Variants in CMIP observed in about 807,000 individuals in gnomAD.
The protein encoded by CMIP is C-Maf-inducing protein.
Under a neutral mutation model 97.3 loss-of-function variants are expected in CMIP, and 13 were observed. The ratio of observed to expected loss-of-function variants is 0.13; its 90% CI spans 0.09 to 0.21. The LOEUF (loss-of-function observed/expected upper bound fraction) is 0.21. Among genes scored for constraint, CMIP ranks in the 10% least tolerant of loss-of-function variants. The pLI, the probability that CMIP is intolerant of heterozygous loss-of-function variation, is 1.00. For missense variants in CMIP, 847 were observed against 1,024.9 expected (o/e 0.83, Z 2.37); for synonymous variants, 538 against 436.3 (o/e 1.23, Z -2.91).
intron 10 of CMIP, among the ~76,000 whole-genome samples, chr16:81,691,197 C>T (rs60107344): frequency 0.24 from 35,958 of 152,038 alleles, 4,390 homozygotes; most frequent in Non-Finnish European, 0.26. Flanking sequence ...GAAGGCACAA[C>T]CCTGAAATCA....
intron 13 of CMIP, among the ~76,000 whole-genome samples, chr16:81,695,225 C>T (rs1308453084): frequency 6.6e-6 from 1 of 152,246 alleles, no homozygotes; most frequent in Non-Finnish European, 1.5e-5. Context: ...TCTGCTGATT[C>T]TCTCTCCCTT....
intron 18 of CMIP, 68 bp from the exon 19 acceptor site, chr16:81,705,431 T>TGCCCC: frequency 8.7e-7 from 1 of 1,154,442 alleles, no homozygotes; most frequent in East Asian, 2.6e-5. Flanking sequence ...CCTCCACCTC[T>TGCCCC]GCCCCAGCCT....
chr16:81,574,454 G>T (rs2091154114), intron 1 of CMIP, among the ~76,000 whole-genome samples: 1 of 152,270 alleles, frequency 6.6e-6, no homozygotes, highest in Non-Finnish European at 1.5e-5. Flanking sequence ...CGAGTTCTCA[G>T]CTGGGTACAG....
chr16:81,592,540 G>C (rs1209720228), intron 1 of CMIP, among the ~76,000 whole-genome samples: 1 of 152,146 alleles, frequency 6.6e-6, no homozygotes, highest in African/African-American at 2.4e-5. Context: ...TTGGCACTGT[G>C]GTGTTGTTAC....
intron 1 of CMIP, among the ~76,000 whole-genome samples, chr16:81,602,907 G>A (rs2150935277): frequency 1.3e-5 from 2 of 152,296 alleles, no homozygotes; most frequent in East Asian, 3.9e-4. Context: ...AATAATCCCA[G>A]CGATAGGAAA....
chr16:81,661,767 C>T (rs1319369681), intron 6 of CMIP, among the ~76,000 whole-genome samples: 5 of 152,130 alleles, frequency 3.3e-5, no homozygotes, highest in African/African-American at 1.2e-4. Context: ...CCCCTCACCC[C>T]AGGGAGTCCT....
chr16:81,597,466 C>A (rs527744693), intron 1 of CMIP, among the ~76,000 whole-genome samples: 1 of 152,112 alleles, frequency 6.6e-6, no homozygotes, highest in Non-Finnish European at 1.5e-5. Flanking sequence ...AGTTGTGCAC[C>A]TGCTCAGAGT....
chr16:81,467,257 G>T (rs10871415), intron 1 of CMIP, among the ~76,000 whole-genome samples: 46,640 of 152,022 alleles, frequency 0.31, 7,789 homozygotes, highest in East Asian at 0.65. Context: ...GCCCCAGCCT[G>T]GTGTTCCCAT....
At chr16:81,479,269 G>A (rs1437767661) in intron 1 of CMIP, among the ~76,000 whole-genome samples, 1 of 152,216 alleles carries the variant, frequency 6.6e-6, no homozygotes, top group African/African-American at 2.4e-5. Flanking sequence ...TGGTAAGGAG[G>A]TGGGGGCTAC....
At chr16:81,529,130 A>G (rs1315738791) in intron 1 of CMIP, among the ~76,000 whole-genome samples, 3 of 152,222 alleles carry the variant, frequency 2.0e-5, no homozygotes, top group African/African-American at 7.2e-5. Context: ...ATAGTTATTC[A>G]TAATGCAGCA....
At chr16:81,592,881 G>C (rs1307250216) in intron 1 of CMIP, among the ~76,000 whole-genome samples, 1 of 152,218 alleles carries the variant, frequency 6.6e-6, no homozygotes, top group Non-Finnish European at 1.5e-5. Context: ...CCTTCCAAAT[G>C]CATGTGACTT....
At chr16:81,673,544 G>A (rs2092701862) in intron 9 of CMIP, among the ~76,000 whole-genome samples, 1 of 152,008 alleles carries the variant, frequency 6.6e-6, no homozygotes, top group Non-Finnish European at 1.5e-5. Flanking sequence ...AAATAAGAAA[G>A]CAAGCAAGCA....
Position 81,693,496 on chromosome 16 carries a change from T to A in CMIP, c.1530+9T>A. ...AAGACCCCAGGCAAGAGGTGAGGCC[T>A]TTGTTTCTGCATCTCAGGCCGGCTG... On this transcript the variant is annotated intron_variant, in intron 13 of 20. Transcript: ENST00000537098. The A allele has an allele frequency of 6.2e-7, 1 of 1,610,274 alleles. No homozygotes were observed. The highest frequency in any genetic ancestry group is 8.5e-7 in the Non-Finnish European group (1 of 1,177,750).
Position 81,445,324 on chromosome 16 carries a change from C to T in CMIP, c.83C>T (p.Ser28Leu). ...ETKPLLGGDV[S>L]APEGTKMGAV... ...AAGCCGCTGCTGGGGGGCGACGTGT[C>T]GGCCCCCGAAGGCACGAAGATGGGC... Residue 28 changes from serine to leucine, a missense_variant, in exon 1 of 21, where the codon TCG (serine) becomes TTG (leucine). Around this residue, in one of 4 missense-constraint regions of CMIP, gnomAD observed 94 missense variants for 79.9 expected, o/e 1.18. Transcript: ENST00000537098. 1 of 1,584,506 alleles carries T rather than the reference C, an allele frequency of 6.3e-7. No homozygotes were observed. The highest frequency in any genetic ancestry group is 8.6e-7 in the Non-Finnish European group (1 of 1,166,712).
chr16:81,702,580 T>TG (rs1271961689), intron 16 of CMIP, 42 bp from the exon 17 acceptor site: 2 of 1,598,394 alleles, frequency 1.3e-6, no homozygotes, highest in African/African-American at 1.3e-5. Flanking sequence ...AATGGAAACT[T>TG]GGGGAAAAGA....
intron 3 of CMIP, among the ~76,000 whole-genome samples, chr16:81,649,086 C>A (rs1367681755): frequency 6.6e-6 from 1 of 152,208 alleles, no homozygotes; most frequent in African/African-American, 2.4e-5. Flanking sequence ...TCAGGGTCCT[C>A]CCTATGACAA....
chr16:81,693,216 C>G (rs910632587), intron 12 of CMIP, 32 bp downstream of exon 12: 3 of 1,599,884 alleles, frequency 1.9e-6, no homozygotes, highest in Non-Finnish European at 2.6e-6. Context: ...TCATTCCATT[C>G]TGGCACGCAC....
intron 6 of CMIP, among the ~76,000 whole-genome samples, chr16:81,662,736 G>A (rs1238686781): frequency 6.6e-6 from 1 of 152,214 alleles, no homozygotes. Flanking sequence ...CGAGGGAGGG[G>A]CTGGGCCTTG....
At chr16:81,697,628 A>G (rs16955751) in intron 14 of CMIP, 72,850 of 152,116 alleles carry the variant, frequency 0.48, 17,710 homozygotes, top group Middle Eastern at 0.52. Flanking sequence ...GATCGCATGC[A>G]ACAGTAGATG....
Sources: allele counts gnomAD v4.1 joint callset (sites outside exome capture counted in the v4.1 genomes callset), GRCh38; gene constraint gnomAD v4.1.1; regional missense constraint gnomAD v4.1.1; transcripts MANE v1.5; gene names NCBI Gene and HGNC (gene_info 2026-07-23, HGNC 2026-07-21).